The following ZNF750 variants were observed in gnomAD, a reference collection of about 807,000 sequenced individuals.
ZNF750 encodes the protein protein ZNF750.
In ZNF750, 10 loss-of-function variants were observed where a neutral mutation model predicts 31.6. The observed-to-expected ratio is 0.32, with a 90% CI of 0.19 to 0.54. ZNF750 has a LOEUF of 0.54. Among genes scored for constraint, ZNF750 ranks in the 20% least tolerant of loss-of-function variants. ZNF750 has a pLI of 0.95. For synonymous variants in ZNF750, 400 were observed against 404.9 expected (o/e 0.99, Z 0.15); for missense variants, 914 against 934.9 (o/e 0.98, Z 0.29).
rs368287550 is a variant in ZNF750 at position 82,830,975 on chromosome 17, C to T, written c.1436+44G>A. 23 of 1,613,456 alleles carry T rather than the reference C, an allele frequency of 1.4e-5. No homozygotes were observed. In the African/African-American group the frequency reaches 2.4e-4, roughly 17 times the overall value. Reference sequence around the variant, plus strand: ...TATAAGCCTGGCTCATGGAACCCAACCAGAAACATTCCCTTGGAGGTTTTG... The same window carrying T: ...TATAAGCCTGGCTCATGGAACCCAATCAGAAACATTCCCTTGGAGGTTTTG... On this transcript the variant is annotated intron_variant, in intron 2 of 2. Transcript: ENST00000269394.
At chr17:82,838,262 A>G (rs1266299754) in intron 1 of ZNF750, among the ~76,000 whole-genome samples, 2 of 152,168 alleles carry the variant, frequency 1.3e-5, no homozygotes, top group South Asian at 2.1e-4. Context: ...TTAGGGTAAT[A>G]GTGAGAAGTT....
chr17:82,834,607 C>CT (rs888578933), intron 1 of ZNF750, among the ~76,000 whole-genome samples: 31 of 151,990 alleles, frequency 2.0e-4, no homozygotes, highest in African/African-American at 7.2e-4. Flanking sequence ...CCTCAGCAAA[C>CT]TAACGCAGGA....
Position 82,831,122 on chromosome 17 carries a change from G to A in ZNF750, c.1333C>T (p.Leu445Phe). Residue 445 changes from leucine (L) to phenylalanine (F), a missense_variant, in exon 2 of 3, where the codon CTC becomes TTC. This residue lies in a region of ZNF750 where 880 missense variants were observed against 868.9 expected (regional missense o/e 1.01). Transcript: ENST00000269394. The surrounding 1 kb of genome is among the most constrained non-coding windows in gnomAD (Gnocchi z 4.6). ...NKAASSALGR[L>F]YPPEQSLTAF... ...GTGAGGCTTTGCTCTGGCGGGTAGA[G>A]TCTTCCCAGTGCGCTGGAGGCTGCC... 2 of 1,614,180 alleles carry A rather than the reference G, an allele frequency of 1.2e-6. No homozygotes were observed. The highest frequency in any genetic ancestry group is 2.2e-5 in the East Asian group (1 of 44,880).
chr17:82,838,818 G>C (rs768439170), intron 1 of ZNF750: 2 of 985,294 alleles, frequency 2.0e-6, no homozygotes, highest in Non-Finnish European at 2.4e-6. Flanking sequence ...AGGAGATCCC[G>C]AGTTACAGAC....
Position 82,830,687 on chromosome 17 carries a change from A to G in ZNF750, c.1627T>C (p.Phe543Leu). 6.2e-7 allele frequency: 1 copy of G among 1,613,996 alleles called. No individual in the cohort carries two copies. The highest frequency in any genetic ancestry group is 1.1e-5 in the South Asian group (1 of 91,060). ...AGTGGAAGGTCCTGCAGCTCTGAGAAGCTGGCGGTTTCCGCCTGGGGGCTG... is the reference window on the plus strand; with the variant it reads ...AGTGGAAGGTCCTGCAGCTCTGAGAGGCTGGCGGTTTCCGCCTGGGGGCTG... ...QGSPQAETAS[F>L]SELQDLPLNL... Residue 543 changes from phenylalanine (F) to leucine (L), a missense_variant, in exon 3 of 3, where the codon TTC becomes CTC. Physicochemically the swap from Phe to Leu is conservative, Grantham distance 22 (BLOSUM62 0). Coordinates refer to ENST00000269394, the MANE Select transcript of ZNF750 (RefSeq NM_024702.3).
intron 1 of ZNF750, among the ~76,000 whole-genome samples, chr17:82,839,587 T>C (rs928088829): frequency 6.6e-6 from 1 of 152,242 alleles, no homozygotes; most frequent in Non-Finnish European, 1.5e-5. Flanking sequence ...CCTTACCTCT[T>C]GTTAGCATTT....
chr17:82,831,489 G>A lies in ZNF750; in HGVS notation c.966C>T (p.Tyr322=), dbSNP rs1598781734. The change falls in exon 2 of 3, where the codon TAC becomes TAT. Residue 322 remains tyrosine (Y), a synonymous_variant. Transcript: ENST00000269394. The surrounding 1 kb of genome is among the most constrained non-coding windows in gnomAD (Gnocchi z 4.6). ...AGGAGGAAAATGCAGACTCTGGCCT[G>A]TAAAATCCGTAAGGAATCGGCAGGT... ...PSNLPIPYGF[Y]RPESAFSSYG... 1 of 1,614,212 alleles carries A rather than the reference G, an allele frequency of 6.2e-7. No individual in the cohort carries two copies. The highest frequency in any genetic ancestry group is 2.2e-5 in the East Asian group (1 of 44,890).
In ZNF750 at chr17:82,831,757, G is replaced by A. The variant is rs1385483956; in HGVS notation, c.698C>T (p.Pro233Leu). 3 of 1,614,074 alleles carry A rather than the reference G, an allele frequency of 1.9e-6. No individual in the cohort carries two copies. Among genetic ancestry groups the A allele is most frequent in the Admixed American group, 1.7e-5 (1 of 60,008 alleles). ...SSTKGLGAISPYMHPTIPEYP... is the reference protein window; with the variant it reads ...SSTKGLGAISLYMHPTIPEYP... The stretch of plus-strand genomic sequence containing the variant: ...CTCTGGGATTGTGGGGTGCATGTAA[G>A]GGGAAATGGCCCCAAGCCCCTTTGT... The change falls in exon 2 of 3, where the codon CCT becomes CTT. Residue 233 changes from proline to leucine, a missense_variant. Pro to Leu is a moderately conservative substitution (Grantham distance 98). This residue lies in a region of ZNF750 where 880 missense variants were observed against 868.9 expected (regional missense o/e 1.01). Coordinates refer to ENST00000269394, the MANE Select transcript of ZNF750 (RefSeq NM_024702.3). This position sits in a 1 kb window ranked among gnomAD's most constrained non-coding sequence, Gnocchi z 4.6.
intron 1 of ZNF750, among the ~76,000 whole-genome samples, chr17:82,834,330 A>G (rs888517289): frequency 6.6e-6 from 1 of 152,208 alleles, no homozygotes; most frequent in African/African-American, 2.4e-5. Flanking sequence ...TGCCTGGGAG[A>G]CAGGGTGAGT....
At chr17:82,836,269 G>T (rs1019882350) in intron 1 of ZNF750, among the ~76,000 whole-genome samples, 2 of 152,226 alleles carry the variant, frequency 1.3e-5, no homozygotes, top group Non-Finnish European at 2.9e-5. Context: ...GTGCCGGCAT[G>T]CCTCGCCGCG....
In ZNF750 at chr17:82,839,951, G is replaced by A. The variant is rs1033387080; in HGVS notation, c.-207C>T. 6.6e-6 allele frequency: 1 copy of A among 152,564 alleles called. No homozygotes were observed. Among genetic ancestry groups the A allele is most frequent in the African/African-American group, 2.4e-5 (1 of 41,462 alleles). 9.5% of individuals were successfully genotyped at this position (152,564 alleles called of 1,614,324 possible). On this transcript the variant is annotated 5_prime_UTR_variant, in exon 1 of 3. Coordinates refer to ENST00000269394, the MANE Select transcript of ZNF750 (RefSeq NM_024702.3). ...CCAGAGGTGGGCAGTGCTGGGATGTGGCCGGTCTTGGTGCCGGTGGCTGGC... is the reference window on the plus strand; with the variant it reads ...CCAGAGGTGGGCAGTGCTGGGATGTAGCCGGTCTTGGTGCCGGTGGCTGGC...
chr17:82,832,598 A>C lies in ZNF750; in HGVS notation c.-144T>G. 1.3e-6 allele frequency: 1 copy of C among 764,314 alleles called. No individual in the cohort carries two copies. Among genetic ancestry groups the C allele is most frequent in the East Asian group, 2.7e-5 (1 of 37,628 alleles). 47.3% of individuals were successfully genotyped at this position (764,314 alleles called of 1,614,324 possible). The stretch of plus-strand genomic sequence containing the variant: ...TATCAGAAGCCAGCTCTGCGTGCTG[A>C]GGGTCTGGCGAGAGCCTCCGTCATC... On this transcript the variant is annotated 5_prime_UTR_variant, in exon 2 of 3. Coordinates refer to ENST00000269394, the MANE Select transcript of ZNF750 (RefSeq NM_024702.3). The surrounding 1 kb of genome is among the most constrained non-coding windows in gnomAD (Gnocchi z 4.9).
At chr17:82,836,627 A>C (rs947662599) in intron 1 of ZNF750, among the ~76,000 whole-genome samples, 1 of 152,050 alleles carries the variant, frequency 6.6e-6, no homozygotes, top group Non-Finnish European at 1.5e-5. Context: ...CTCAGGATTT[A>C]AGAAAATGAG....
rs542656555 is a variant in ZNF750, at chr17:82,838,865, G to A, written c.-183+1062C>T. 20 of 985,408 alleles carry A rather than the reference G, an allele frequency of 2.0e-5. 1 individual carries two copies. In the South Asian group the frequency reaches 3.8e-4, roughly 19 times the overall value. The allele number at this position is 985,408 out of a possible 1,614,324, so 61.0% of individuals were successfully genotyped here. On this transcript the variant is annotated intron_variant, in intron 1 of 2. Transcript: ENST00000269394. ...AACAAACGCTCACCACTTTACAGTC[G>A]CCGCCTCATCCTGAAACTCCGGTCA...
At chr17:82,839,107 T>G (rs1435512031) in intron 1 of ZNF750, 1 of 390,960 alleles carries the variant, frequency 2.6e-6, no homozygotes, top group Non-Finnish European at 3.5e-6. Context: ...TTCGAAAGCT[T>G]ATGCCCAATT....
Position 82,830,420 on chromosome 17 carries a change from G to T in ZNF750, c.1894C>A (p.Gln632Lys). 6.2e-7 allele frequency: 1 copy of T among 1,611,722 alleles called. No homozygotes were observed. The highest frequency in any genetic ancestry group is 1.1e-5 in the South Asian group (1 of 91,072). ...TGGCACAGGGCCACGGCTGCCGTCTGCTTCTGCTCCTCGCTGCTGTCCACC... is the reference window on the plus strand; with the variant it reads ...TGGCACAGGGCCACGGCTGCCGTCTTCTTCTGCTCCTCGCTGCTGTCCACC... ...CAVDSSEEQK[Q>K]TAAVALCQLA... The change falls in exon 3 of 3, where the codon CAG becomes AAG. Residue 632 changes from glutamine (Q) to lysine (K), a missense_variant. Gln to Lys is a moderately conservative substitution (Grantham distance 53). This residue lies in a region of ZNF750 where 880 missense variants were observed against 868.9 expected (regional missense o/e 1.01). Transcript: ENST00000269394.
chr17:82,832,816 C>T lies in ZNF750; in HGVS notation c.-182-180G>A, dbSNP rs1480384441. Reference sequence around the variant, plus strand: ...GCAGCCCTGCCCTACCCTTGGTAACCTGGCTGCTGACTCCCCACCGTGTTT... The same window carrying T: ...GCAGCCCTGCCCTACCCTTGGTAACTTGGCTGCTGACTCCCCACCGTGTTT... On this transcript the variant is annotated intron_variant, in intron 1 of 2. Coordinates refer to ENST00000269394, the MANE Select transcript of ZNF750 (RefSeq NM_024702.3). The surrounding 1 kb of genome is among the most constrained non-coding windows in gnomAD (Gnocchi z 4.9). Among the ~76,000 whole-genome samples, 23 of 152,344 alleles carry T rather than the reference C, an allele frequency of 1.5e-4. 1 individual carries two copies. The East Asian group carries it at 4.3e-3, about 28-fold the overall frequency.
Position 82,832,852 on chromosome 17 carries a change from G to A in ZNF750, c.-182-216C>T, listed in dbSNP as rs1179122291. 6.6e-6 allele frequency among the ~76,000 whole-genome samples: 1 copy of A among 152,226 alleles called. No homozygotes were observed. The highest frequency in any genetic ancestry group is 1.5e-5 in the Non-Finnish European group (1 of 68,044). Reference sequence around the variant, plus strand: ...CTCCCCACCGTGTTTTCTGTTTTCTGAGTCTGATCTGAAAGAGTCACCTCG... The same window carrying A: ...CTCCCCACCGTGTTTTCTGTTTTCTAAGTCTGATCTGAAAGAGTCACCTCG... On this transcript the variant is annotated intron_variant, in intron 1 of 2. Coordinates refer to ENST00000269394, the MANE Select transcript of ZNF750 (RefSeq NM_024702.3). This position sits in a 1 kb window ranked among gnomAD's most constrained non-coding sequence, Gnocchi z 4.9.
Position 82,833,868 on chromosome 17 carries a change from G to T in ZNF750, c.-182-1232C>A, listed in dbSNP as rs895288333. 6.6e-6 allele frequency among the ~76,000 whole-genome samples: 1 copy of T among 152,208 alleles called. No individual in the cohort carries two copies. Among genetic ancestry groups the T allele is most frequent in the African/African-American group, 2.4e-5 (1 of 41,460 alleles). Reference sequence around the variant, plus strand: ...TGGCCTGCTCTTTTGGATTCTTCCAGAGGGTCTCTGTGTCCCCCTTACCAG... The same window carrying T: ...TGGCCTGCTCTTTTGGATTCTTCCATAGGGTCTCTGTGTCCCCCTTACCAG... On this transcript the variant is annotated intron_variant, in intron 1 of 2. Coordinates refer to ENST00000269394, the MANE Select transcript of ZNF750 (RefSeq NM_024702.3). This position sits in a 1 kb window ranked among gnomAD's most constrained non-coding sequence, Gnocchi z 4.7.
Sources: gnomAD v4.1 joint callset for allele counts (sites outside exome capture counted in the v4.1 genomes callset) on GRCh38, gnomAD v4.1.1 for gene constraint, gnomAD v4.1.1 regional missense constraint, Gnocchi (gnomAD v3.1) non-coding constraint, MANE v1.5 for transcripts, NCBI Gene and HGNC (gene_info 2026-07-23, HGNC 2026-07-21) for gene names.